GRIK1: variants seen among roughly 807,000 people sequenced by gnomAD.
GRIK1 encodes glutamate receptor ionotropic, kainate 1.
GRIK1 carries 69 observed loss-of-function variants against 105.7 expected under a neutral mutation model. The ratio of observed to expected loss-of-function variants is 0.65; its 90% CI spans 0.54 to 0.80. The LOEUF (loss-of-function observed/expected upper bound fraction) is 0.80, where lower values mean the gene tolerates loss of function less well. GRIK1 is among the 30% of genes least tolerant of loss of function. GRIK1 has a pLI of 0.00. For synonymous variants in GRIK1, 438 were observed against 431.3 expected (o/e 1.02, Z -0.19); for missense variants, 1,109 against 1,167.3 (o/e 0.95, Z 0.73).
chr21:29,720,220 C>A (rs1416431081), intron 1 of GRIK1, among the ~76,000 whole-genome samples: 1 of 152,136 alleles, frequency 6.6e-6, no homozygotes, highest in Non-Finnish European at 1.5e-5. Context: ...GCACATATTT[C>A]TCAGATTATT....
chr21:29,766,493 GC>G (rs1184118188), intron 1 of GRIK1, among the ~76,000 whole-genome samples: 1 of 152,092 alleles, frequency 6.6e-6, no homozygotes, highest in African/African-American at 2.4e-5. Flanking sequence ...ATCTCTTCAA[GC>G]CAGAAAATAC....
chr21:29,803,665 G>A (rs1346005008), intron 1 of GRIK1, among the ~76,000 whole-genome samples: 1 of 152,040 alleles, frequency 6.6e-6, no homozygotes, highest in African/African-American at 2.4e-5. Context: ...TCCTAACTCT[G>A]TGAATACATG....
chr21:29,811,162 T>A (rs187279919), intron 1 of GRIK1, among the ~76,000 whole-genome samples: 1 of 152,106 alleles, frequency 6.6e-6, no homozygotes, highest in Non-Finnish European at 1.5e-5. Context: ...TTGGTGAAAT[T>A]AGATTCTTTG....
intron 1 of GRIK1, among the ~76,000 whole-genome samples, chr21:29,796,159 C>T (rs1013082054): frequency 1.3e-5 from 2 of 152,190 alleles, no homozygotes; most frequent in African/African-American, 2.4e-5. Context: ...TGTGTCCACA[C>T]ATCTACAAGT....
At chr21:29,553,697 C>G (rs769194374) in intron 16 of GRIK1, 1 of 1,554,840 alleles carries the variant, frequency 6.4e-7, no homozygotes, top group Non-Finnish European at 8.7e-7. Context: ...ATAAAAGAAA[C>G]AAAAAGCCTT....
chr21:29,932,131 T>C (rs1289916231), intron 1 of GRIK1, among the ~76,000 whole-genome samples: 2 of 152,200 alleles, frequency 1.3e-5, no homozygotes, highest in Non-Finnish European at 2.9e-5. Flanking sequence ...TTTGTATGTT[T>C]GCTTTGCCAG....
chr21:29,861,828 A>G (rs2068649951), intron 1 of GRIK1, among the ~76,000 whole-genome samples: 1 of 152,156 alleles, frequency 6.6e-6, no homozygotes, highest in Non-Finnish European at 1.5e-5. Context: ...ATTATGTTGT[A>G]TAATTCTTTT....
intron 4 of GRIK1, among the ~76,000 whole-genome samples, chr21:29,664,864 T>G (rs2146613469): frequency 6.6e-6 from 1 of 152,220 alleles, no homozygotes; most frequent in African/African-American, 2.4e-5. Flanking sequence ...CAAACCCCTT[T>G]CCACAAAAAA....
In GRIK1 at chr21:29,665,797, GA is replaced by G. The variant is rs150650343; in HGVS notation, c.726+7185del. Among the ~76,000 whole-genome samples the G allele has an allele frequency of 8.9e-4, 136 of 152,276 alleles. 3 individuals are homozygous for G. The East Asian group carries it at 0.022, about 25-fold the overall frequency. On this transcript the variant is annotated intron_variant, in intron 4 of 17. Transcript: ENST00000327783. Reference sequence around the variant, plus strand: ...AGGATGTGAGCAACATGGGTGATGTGAACATCATACTCTGATCTGAAATTCC... The same window carrying G: ...AGGATGTGAGCAACATGGGTGATGTGACATCATACTCTGATCTGAAATTCC...
At chr21:29,718,086 T>G (rs928084024) in intron 1 of GRIK1, among the ~76,000 whole-genome samples, 3 of 152,194 alleles carry the variant, frequency 2.0e-5, no homozygotes, top group African/African-American at 7.2e-5. Flanking sequence ...TTGCTGCCCC[T>G]TCCACCATAA....
intron 10 of GRIK1, among the ~76,000 whole-genome samples, chr21:29,590,760 C>T (rs565789130): frequency 6.6e-6 from 1 of 152,308 alleles, no homozygotes; most frequent in Admixed American, 6.5e-5. Flanking sequence ...AAGAGCTTCT[C>T]TTGCCTCTCT....
intron 1 of GRIK1, among the ~76,000 whole-genome samples, chr21:29,792,220 G>C (rs140097509): frequency 2.6e-5 from 4 of 152,206 alleles, no homozygotes; most frequent in African/African-American, 9.6e-5. Context: ...ATATAGCTTA[G>C]ATAAGTTCAG....
At chr21:29,833,006 C>T (rs968988378) in intron 1 of GRIK1, among the ~76,000 whole-genome samples, 5 of 152,194 alleles carry the variant, frequency 3.3e-5, no homozygotes, top group African/African-American at 1.2e-4. Flanking sequence ...GAACATTTTA[C>T]TGCTTAGAAA....
intron 1 of GRIK1, among the ~76,000 whole-genome samples, chr21:29,770,461 G>A (rs563146417): frequency 6.6e-6 from 1 of 152,176 alleles, no homozygotes; most frequent in Non-Finnish European, 1.5e-5. Context: ...TGGGACAAAT[G>A]ACTGCTAATA....
At chr21:29,579,601 A>G (rs2090970727) in intron 13 of GRIK1, among the ~76,000 whole-genome samples, 1 of 152,170 alleles carries the variant, frequency 6.6e-6, no homozygotes, top group Non-Finnish European at 1.5e-5. Context: ...CTAACAAGAG[A>G]GAGCAACAGA....
At chr21:29,781,763 C>T (rs1292347882) in intron 1 of GRIK1, among the ~76,000 whole-genome samples, 4 of 140,258 alleles carry the variant, frequency 2.9e-5, no homozygotes, top group Non-Finnish European at 4.7e-5. Context: ...CTCCGCTTCC[C>T]GGGTTCACGC....
chr21:29,596,102 CCTT>C (rs2061407560), intron 9 of GRIK1: 1 of 307,076 alleles, frequency 3.3e-6, no homozygotes. Context: ...GGTGTCCTAG[CCTT>C]CTGAGGCTGT....
chr21:29,562,818 T>G (rs554054460), intron 14 of GRIK1, among the ~76,000 whole-genome samples: 1 of 152,308 alleles, frequency 6.6e-6, no homozygotes, highest in East Asian at 1.9e-4. Context: ...TTTTGATAGA[T>G]TCAGTAATAA....
chr21:29,537,564 G>A, intron 17 of GRIK1, 179 bp from the exon 18 acceptor site: 1 of 655,512 alleles, frequency 1.5e-6, no homozygotes, highest in Non-Finnish European at 2.7e-6. Flanking sequence ...TTCTAATCGG[G>A]GAAACTGAGA....
Sources: allele counts gnomAD v4.1 joint callset (sites outside exome capture counted in the v4.1 genomes callset), GRCh38; gene constraint gnomAD v4.1.1; transcripts MANE v1.5; gene names NCBI Gene and HGNC (gene_info 2026-07-23, HGNC 2026-07-21).